Variants in ZBTB7C observed in about 807,000 individuals in gnomAD.
The protein encoded by ZBTB7C is zinc finger and BTB domain containing 7C.
Under a neutral mutation model 25.7 loss-of-function variants are expected in ZBTB7C, and 8 were observed. That is an observed-to-expected ratio of 0.31 (90% CI 0.18 to 0.56). ZBTB7C has a LOEUF of 0.56. Among genes scored for constraint, ZBTB7C ranks in the 20% least tolerant of loss-of-function variants. ZBTB7C has a pLI of 0.91. For synonymous variants in ZBTB7C, 394 were observed against 369.0 expected (o/e 1.07, Z -0.78); for missense variants, 824 against 855.2 (o/e 0.96, Z 0.46).
intron 2 of ZBTB7C, among the ~76,000 whole-genome samples, chr18:48,204,286 C>G (rs2042527584): frequency 1.3e-5 from 2 of 152,190 alleles, no homozygotes; most frequent in South Asian, 4.1e-4. Context: ...CCCAGTCTCT[C>G]ACTCCAGCCT....
At chr18:48,183,747 G>A (rs2041986939) in intron 3 of ZBTB7C, among the ~76,000 whole-genome samples, 1 of 152,196 alleles carries the variant, frequency 6.6e-6, no homozygotes, top group Non-Finnish European at 1.5e-5. Flanking sequence ...TGGTTGAGGT[G>A]ATGCCTTGGA....
intron 2 of ZBTB7C, among the ~76,000 whole-genome samples, chr18:48,256,326 T>A (rs2044020033): frequency 1.3e-5 from 2 of 151,976 alleles, no homozygotes; most frequent in East Asian, 1.9e-4. Flanking sequence ...TACAGCAGAT[T>A]TCTCATACAA....
intron 2 of ZBTB7C, among the ~76,000 whole-genome samples, chr18:48,191,131 C>T (rs1371396062): frequency 6.6e-6 from 1 of 152,184 alleles, no homozygotes; most frequent in East Asian, 1.9e-4. Context: ...CACACACCCA[C>T]CTTGCAGAGG....
intron 3 of ZBTB7C, among the ~76,000 whole-genome samples, chr18:48,114,548 C>T (rs549525447): frequency 6.6e-6 from 1 of 152,060 alleles, no homozygotes; most frequent in African/African-American, 2.4e-5. Context: ...TTGCAGTGAG[C>T]CAAGATAGCA....
At chr18:48,104,095 G>T (rs914443185) in intron 3 of ZBTB7C, among the ~76,000 whole-genome samples, 1 of 152,134 alleles carries the variant, frequency 6.6e-6, no homozygotes, top group Non-Finnish European at 1.5e-5. Context: ...CATGGTATGT[G>T]ATATAGTTTG....
At chr18:48,087,377 A>G (rs1417732945) in intron 3 of ZBTB7C, among the ~76,000 whole-genome samples, 1 of 152,236 alleles carries the variant, frequency 6.6e-6, no homozygotes, top group African/African-American at 2.4e-5. Flanking sequence ...AGGGAGACTT[A>G]CAGACCTTTT....
intron 2 of ZBTB7C, among the ~76,000 whole-genome samples, chr18:48,249,012 A>G (rs2043773288): frequency 6.6e-6 from 1 of 152,252 alleles, no homozygotes; most frequent in Non-Finnish European, 1.5e-5. Flanking sequence ...CAATATAAAC[A>G]AATACATGGA....
chr18:48,335,658 T>C (rs894507336), intron 2 of ZBTB7C, among the ~76,000 whole-genome samples: 8 of 152,210 alleles, frequency 5.3e-5, no homozygotes, highest in Admixed American at 3.9e-4. Context: ...AGAGTCTAGA[T>C]TGGTGCTATC....
chr18:48,260,056 G>C (rs983389641), intron 2 of ZBTB7C, among the ~76,000 whole-genome samples: 3 of 152,134 alleles, frequency 2.0e-5, no homozygotes, highest in African/African-American at 7.2e-5. Context: ...ACTCATACAT[G>C]AATGTTCATA....
chr18:48,233,828 G>A (rs1021263531), intron 2 of ZBTB7C, among the ~76,000 whole-genome samples: 2 of 152,150 alleles, frequency 1.3e-5, no homozygotes, highest in African/African-American at 4.8e-5. Flanking sequence ...GGCTGCTTGT[G>A]GCAAAGCCCA....
At chr18:48,078,022 C>A (rs987382778) in intron 3 of ZBTB7C, among the ~76,000 whole-genome samples, 3 of 152,114 alleles carry the variant, frequency 2.0e-5, no homozygotes, top group Non-Finnish European at 4.4e-5. Flanking sequence ...CATGAAGGAA[C>A]AAGCTGCCCC....
chr18:48,163,790 C>A (rs190322839), intron 3 of ZBTB7C, among the ~76,000 whole-genome samples: 84 of 152,326 alleles, frequency 5.5e-4, no homozygotes, highest in African/African-American at 2.0e-3. Context: ...CTCTTTGAGT[C>A]CATTTCACGA....
intron 2 of ZBTB7C, among the ~76,000 whole-genome samples, chr18:48,218,560 T>A (rs750144100): frequency 8.0e-4 from 122 of 152,248 alleles, no homozygotes; most frequent in Non-Finnish European, 1.5e-3. Context: ...CCTGGTAAGA[T>A]GCTTGAAAGC....
intron 4 of ZBTB7C, among the ~76,000 whole-genome samples, chr18:48,034,417 G>A (rs2144097952): frequency 1.3e-5 from 2 of 152,190 alleles, no homozygotes; most frequent in South Asian, 4.2e-4. Flanking sequence ...CCCCGTGTGT[G>A]CATGTCTTGT....
chr18:48,345,258 C>A (rs549599995), intron 1 of ZBTB7C, among the ~76,000 whole-genome samples: 1 of 152,280 alleles, frequency 6.6e-6, no homozygotes, highest in African/African-American at 2.4e-5. Context: ...ACTGGACAGG[C>A]TGGGTTTGGA....
intron 3 of ZBTB7C, among the ~76,000 whole-genome samples, chr18:48,127,015 T>C (rs2039823707): frequency 6.6e-6 from 1 of 152,076 alleles, no homozygotes; most frequent in Non-Finnish European, 1.5e-5. Context: ...CGTGGCTCAG[T>C]GAAGGTTCTG....
At chr18:48,348,389 T>C (rs59596908) in intron 1 of ZBTB7C, among the ~76,000 whole-genome samples, 1 of 152,162 alleles carries the variant, frequency 6.6e-6, no homozygotes, top group Non-Finnish European at 1.5e-5. Context: ...TGGATACAAA[T>C]CCTCACCTAC....
At chr18:48,371,618 A>T (rs2047390295) in intron 1 of ZBTB7C, among the ~76,000 whole-genome samples, 1 of 152,246 alleles carries the variant, frequency 6.6e-6, no homozygotes, top group South Asian at 2.1e-4. Context: ...CTTCCATGCC[A>T]CATGATTGCC....
At chr18:48,141,481 G>C (rs2040347695) in intron 3 of ZBTB7C, among the ~76,000 whole-genome samples, 1 of 152,112 alleles carries the variant, frequency 6.6e-6, no homozygotes. Context: ...TGTTTATTGA[G>C]AGAATCCTAG....
Sources: gnomAD v4.1 joint callset for allele counts (sites outside exome capture counted in the v4.1 genomes callset) on GRCh38, gnomAD v4.1.1 for gene constraint, MANE v1.5 for transcripts, NCBI Gene and HGNC (gene_info 2026-07-23, HGNC 2026-07-21) for gene names.